Variants in SLC13A2 observed in about 807,000 individuals in gnomAD.
SLC13A2 encodes the protein Na(+)-coupled citrate transporter.
In SLC13A2, 40 loss-of-function variants were observed where a neutral mutation model predicts 58.5. The ratio of observed to expected loss-of-function variants is 0.68; its 90% CI spans 0.53 to 0.89. SLC13A2 has a LOEUF of 0.89. Ranked by LOEUF, SLC13A2 falls within the 40% of genes least tolerant of loss-of-function variation. The probability of loss-of-function intolerance (pLI) is 0.00; values close to 1 mark genes in which losing one functional copy is unlikely to be tolerated. For missense variants in SLC13A2, 694 were observed against 772.6 expected (o/e 0.90, Z 1.21); for synonymous variants, 341 against 331.6 (o/e 1.03, Z -0.31).
At position 28,496,056 on chromosome 17, in the gene SLC13A2, G is replaced by A. The variant is rs868937391; in HGVS notation, c.1470+240G>A. Among the ~76,000 whole-genome samples the A allele has an allele frequency of 6.6e-6, 1 of 152,086 alleles. No individual in the cohort carries two copies. The highest frequency in any genetic ancestry group is 1.9e-4 in the East Asian group (1 of 5,184). On this transcript the variant is annotated intron_variant, in intron 10 of 11. Transcript: ENST00000314669. This position sits in a 1 kb window ranked among gnomAD's most constrained non-coding sequence, Gnocchi z 4.2. ...CCTGGAGTATCCTGATGGGGATCCTGGTGGCCTCACCCACCTCCCCACCCC... is the reference window on the plus strand; with the variant it reads ...CCTGGAGTATCCTGATGGGGATCCTAGTGGCCTCACCCACCTCCCCACCCC...
At chr17:28,486,783 G>A (rs923898620) in intron 1 of SLC13A2, among the ~76,000 whole-genome samples, 3 of 148,552 alleles carry the variant, frequency 2.0e-5, no homozygotes, top group African/African-American at 5.1e-5. Flanking sequence ...ACATGGAGGC[G>A]AGTCTGACTT....
At position 28,490,783 on chromosome 17, in the gene SLC13A2, A is replaced by G. The variant is rs1555603198; in HGVS notation, c.451A>G (p.Ile151Val). ...GGCCACCTCAGCCATGATGGTGCCC[A>G]TCGCACATGCCGTCCTGGACCAGCT... Reference protein sequence around the residue: ...NTATSAMMVPIAHAVLDQLHS... With the variant: ...NTATSAMMVPVAHAVLDQLHS... Residue 151 changes from isoleucine (I) to valine (V), a missense_variant, in exon 4 of 12, where the codon ATC (isoleucine) becomes GTC (valine). Physicochemically the swap from Ile to Val is conservative, Grantham distance 29. Coordinates refer to ENST00000314669, the MANE Select transcript of SLC13A2 (RefSeq NM_003984.4). 3.1e-6 allele frequency: 5 copies of G among 1,613,888 alleles called. No individual in the cohort carries two copies. The highest frequency in any genetic ancestry group is 3.3e-5 in the Admixed American group (2 of 59,990).
At chr17:28,478,369 G>GT in intron 1 of SLC13A2, among the ~76,000 whole-genome samples, 1 of 152,320 alleles carries the variant, frequency 6.6e-6, no homozygotes, top group South Asian at 2.1e-4. Context: ...TTACCAAAAG[G>GT]AATACAGATG....
chr17:28,479,635 T>C (rs1555600691), intron 1 of SLC13A2, among the ~76,000 whole-genome samples: 2 of 152,224 alleles, frequency 1.3e-5, no homozygotes, highest in African/African-American at 4.8e-5. Flanking sequence ...CAATATTGCA[T>C]TTATTGTAAG....
intron 1 of SLC13A2, among the ~76,000 whole-genome samples, chr17:28,486,791 CTTTTTT>C (rs35840529): frequency 7.6e-6 from 1 of 131,188 alleles, no homozygotes; most frequent in South Asian, 2.5e-4. Flanking sequence ...GCGAGTCTGA[CTTTTTT>C]TTTTTTTTTT....
chr17:28,487,571 G>A, intron 1 of SLC13A2: 2 of 985,450 alleles, frequency 2.0e-6, no homozygotes, highest in Non-Finnish European at 2.4e-6. Flanking sequence ...CCCCAGCCCT[G>A]CTCCTTGTCT....
At chr17:28,488,885 A>C (rs1438872543) in intron 1 of SLC13A2, among the ~76,000 whole-genome samples, 1 of 152,216 alleles carries the variant, frequency 6.6e-6, no homozygotes, top group African/African-American at 2.4e-5. Flanking sequence ...TTCTTCTGGC[A>C]GCCCCCATCT....
Position 28,473,670 on chromosome 17 carries a change from C to T in SLC13A2, c.-43C>T. ...CATCTTTGGTCCTTCTGTTACCCAG[C>T]TCCTGGAGGCAGTGGCTGTAGCAGC... is the stretch of plus-strand genomic sequence containing the variant. On this transcript the variant is annotated 5_prime_UTR_variant, in exon 1 of 12. Coordinates refer to ENST00000314669, the MANE Select transcript of SLC13A2 (RefSeq NM_003984.4). 1 of 1,493,800 alleles carries T rather than the reference C, an allele frequency of 6.7e-7. No individual in the cohort carries two copies. Among genetic ancestry groups the T allele is most frequent in the Non-Finnish European group, 9.3e-7 (1 of 1,075,430 alleles). The allele number at this position is 1,493,800 out of a possible 1,614,324, so 92.5% of individuals were successfully genotyped here.
Position 28,494,721 on chromosome 17 carries a change from CA to C in SLC13A2, c.1308+210del, listed in dbSNP as rs1555604319. Among the ~76,000 whole-genome samples the C allele has an allele frequency of 6.6e-6, 1 of 152,078 alleles. No homozygotes were observed. Among genetic ancestry groups the C allele is most frequent in the South Asian group, 2.1e-4 (1 of 4,818 alleles). On this transcript the variant is annotated intron_variant, in intron 9 of 11. Coordinates refer to ENST00000314669, the MANE Select transcript of SLC13A2 (RefSeq NM_003984.4). The surrounding 1 kb of genome is among the most constrained non-coding windows in gnomAD (Gnocchi z 4.0). ...CACAAGCCCTAGGGACCTCTTTGTT[CA>C]GTTCTCAAAGTCCAAGGGAAGGCAG...
chr17:28,489,618 G>A (rs2151456726), intron 2 of SLC13A2, among the ~76,000 whole-genome samples: 1 of 152,312 alleles, frequency 6.6e-6, no homozygotes, highest in South Asian at 2.1e-4. Flanking sequence ...GGCCTTGAGG[G>A]CCAGCTAACA....
chr17:28,492,385 A>G (rs2069046179), intron 6 of SLC13A2, among the ~76,000 whole-genome samples: 1 of 152,224 alleles, frequency 6.6e-6, no homozygotes. Flanking sequence ...AGGTGAGTGA[A>G]GATTCCAGAA....
chr17:28,488,944 G>C (rs1208612878), intron 1 of SLC13A2, among the ~76,000 whole-genome samples: 1 of 152,226 alleles, frequency 6.6e-6, no homozygotes, highest in African/African-American at 2.4e-5. Context: ...GGGCTGGATG[G>C]GGACTGGTAA....
At position 28,491,582 on chromosome 17, in the gene SLC13A2, C is replaced by T. The variant is rs782012855; in HGVS notation, c.720C>T (p.Thr240=). The change falls in exon 5 of 12, where the codon ACC becomes ACT. Residue 240 remains threonine, a synonymous_variant. Transcript: ENST00000314669. ...GGGGCATCGCCACGCTGACTGGCAC[C>T]GCACCCAACCTGGTGCTGCAAGGCC... ...SIGGIATLTG[T]APNLVLQGQI... is the part of the protein sequence containing the mutation. 17 of 1,613,328 alleles carry T rather than the reference C, an allele frequency of 1.1e-5. No homozygotes were observed. Among genetic ancestry groups the T allele is most frequent in the Middle Eastern group, 1.6e-4 (1 of 6,082 alleles).
intron 1 of SLC13A2, among the ~76,000 whole-genome samples, chr17:28,475,962 A>G (rs973568678): frequency 2.0e-5 from 3 of 152,216 alleles, no homozygotes; most frequent in Admixed American, 6.5e-5. Flanking sequence ...GTATTATCCA[A>G]TGAACACCAG....
chr17:28,493,759 A>G lies in SLC13A2; in HGVS notation c.1067A>G (p.Asn356Ser), dbSNP rs2069079536. The G allele has an allele frequency of 6.2e-7, 1 of 1,614,144 alleles. No homozygotes were observed. Among genetic ancestry groups the G allele is most frequent in the Non-Finnish European group, 8.5e-7 (1 of 1,180,022 alleles). ...REPGFFLGWGNLAFPNAKGES... is the reference protein window; with the variant it reads ...REPGFFLGWGSLAFPNAKGES... ...CCGGGCTTTTTTCTTGGCTGGGGCAATTTGGCTTTTCCCAATGCCAAGGGG... is the reference window on the plus strand; with the variant it reads ...CCGGGCTTTTTTCTTGGCTGGGGCAGTTTGGCTTTTCCCAATGCCAAGGGG... The change falls in exon 7 of 12, where the codon AAT (asparagine) becomes AGT (serine). Residue 356 changes from asparagine (N) to serine (S), a missense_variant. By Grantham distance (46) the Asn-to-Ser change is conservative (BLOSUM62 1). Coordinates refer to ENST00000314669, the MANE Select transcript of SLC13A2 (RefSeq NM_003984.4).
rs146166923 is a variant in SLC13A2, at chr17:28,495,788, C to T, written c.1442C>T (p.Thr481Met). Reference protein sequence around the residue: ...TECTSNVATTTIFLPILASMA... With the variant: ...TECTSNVATTMIFLPILASMA... ...TGCACTAGCAACGTGGCCACCACTA[C>T]GATCTTCCTGCCCATCCTAGCCTCC... Residue 481 changes from threonine (T) to methionine (M), a missense_variant, in exon 10 of 12, where the codon ACG (threonine) becomes ATG (methionine). Transcript: ENST00000314669. 1,761 of 1,613,296 alleles carry T rather than the reference C, an allele frequency of 1.1e-3. 3 individuals carry two copies. The highest frequency in any genetic ancestry group is 1.4e-3 in the Non-Finnish European group (1,595 of 1,179,886).
chr17:28,487,166 C>T (rs2068897825), intron 1 of SLC13A2, among the ~76,000 whole-genome samples: 1 of 152,198 alleles, frequency 6.6e-6, no homozygotes, highest in African/African-American at 2.4e-5. Flanking sequence ...CTTAACAGAG[C>T]CCAGCCACAG....
Position 28,495,630 on chromosome 17 carries a change from ACATGC to A in SLC13A2, c.1309-21_1309-17del. The A allele has an allele frequency of 6.3e-7, 1 of 1,599,024 alleles. No individual in the cohort carries two copies. The highest frequency in any genetic ancestry group is 8.5e-7 in the Non-Finnish European group (1 of 1,175,394). ...GGGGGCCCAGGCAGCCTTGCCTCTC[ACATGC>A]CATCCTCCTCTGCCCACAGCGATCG... On this transcript the variant is annotated intron_variant, in intron 9 of 11. Coordinates refer to ENST00000314669, the MANE Select transcript of SLC13A2 (RefSeq NM_003984.4).
intron 1 of SLC13A2, among the ~76,000 whole-genome samples, chr17:28,482,482 G>T (rs1157804387): frequency 5.3e-5 from 8 of 152,182 alleles, no homozygotes; most frequent in Non-Finnish European, 1.2e-4. Flanking sequence ...ACCAAAAAAA[G>T]TGTACAAACC....
Sources: gnomAD v4.1 joint callset for allele counts (sites outside exome capture counted in the v4.1 genomes callset) on GRCh38, gnomAD v4.1.1 for gene constraint, Gnocchi (gnomAD v3.1) non-coding constraint, MANE v1.5 for transcripts, NCBI Gene and HGNC (gene_info 2026-07-23, HGNC 2026-07-21) for gene names.